Variants in ANKHD1 observed in about 807,000 individuals in gnomAD.
ANKHD1 encodes ankyrin repeat and KH domain-containing protein 1.
In ANKHD1, 31 loss-of-function variants were observed where a neutral mutation model predicts 230.5. The ratio of observed to expected loss-of-function variants is 0.13; its 90% CI spans 0.10 to 0.18. The LOEUF (loss-of-function observed/expected upper bound fraction) is 0.18. Among genes scored for constraint, ANKHD1 ranks in the 10% least tolerant of loss-of-function variants. The pLI is 1.00. For missense variants in ANKHD1, 2,256 were observed against 3,071.3 expected, an observed-to-expected ratio of 0.73 and a Z score of 6.27; for synonymous variants, 1,074 against 1,117.6, an observed-to-expected ratio of 0.96 and a Z score of 0.78.
At position 140,445,965 on chromosome 5, in the gene ANKHD1, T is replaced by C. The variant is rs747687771; in HGVS notation, c.1137T>C (p.Ala379=). The part of the protein sequence containing the change: ...NEFKESALTL[A]CYKGHLDMVR... ...TCAAAGAAAGTGCTCTAACACTTGC[T>C]TGCTACAAAGGTACTTAATACATGT... Residue 379 remains alanine, a synonymous_variant, in exon 6 of 34, where the codon GCT becomes GCC. Transcript: ENST00000360839. 6.9e-6 allele frequency: 11 copies of C among 1,600,464 alleles called. No homozygotes were observed. In the African/African-American group the frequency reaches 1.1e-4, roughly 16 times the overall value.
chr5:140,470,557 T>G (rs1456563932), intron 10 of ANKHD1, among the ~76,000 whole-genome samples: 1 of 151,294 alleles, frequency 6.6e-6, no homozygotes, highest in African/African-American at 2.4e-5. Context: ...TCTTCTGCAT[T>G]GTGTCTTAAG....
rs760761674 is a variant in ANKHD1, at chr5:140,485,299, A to G, written c.1998+51A>G. The G allele has an allele frequency of 7.6e-6, 12 of 1,571,384 alleles. No individual in the cohort carries two copies. The highest frequency in any genetic ancestry group is 2.1e-4 in the Middle Eastern group (1 of 4,828). ...AGGCTGTGTGCGGTGGCTCATGTCT[A>G]TGATCCCAGCACTTTAGAAAGCTGA... On this transcript the variant is annotated intron_variant, in intron 12 of 33. Coordinates refer to ENST00000360839, the MANE Select transcript of ANKHD1 (RefSeq NM_017747.3). The surrounding 1 kb of genome is among the most constrained non-coding windows in gnomAD (Gnocchi z 4.8).
intron 5 of ANKHD1, among the ~76,000 whole-genome samples, chr5:140,444,084 C>T (rs1455232637): frequency 6.9e-6 from 1 of 144,278 alleles, no homozygotes; most frequent in East Asian, 2.1e-4. Flanking sequence ...TGAAGTCCCC[C>T]CCCCCCTTTT....
intron 10 of ANKHD1, among the ~76,000 whole-genome samples, chr5:140,472,815 G>A (rs1776579659): frequency 6.6e-6 from 1 of 152,028 alleles, no homozygotes; most frequent in Admixed American, 6.5e-5. Flanking sequence ...CTACTATTCT[G>A]AAATTGGTTT....
At chr5:140,488,712 C>T (rs564933006) in intron 14 of ANKHD1, among the ~76,000 whole-genome samples, 55 of 151,962 alleles carry the variant, frequency 3.6e-4, no homozygotes, top group Non-Finnish European at 7.8e-4. Flanking sequence ...CGAGCCTGGC[C>T]GACATGGTGA....
At chr5:140,514,538 C>T (rs1752907974) in intron 24 of ANKHD1, among the ~76,000 whole-genome samples, 1 of 152,048 alleles carries the variant, frequency 6.6e-6, no homozygotes, top group Admixed American at 6.6e-5. Context: ...GCCTATATGA[C>T]CAATATTCTT....
intron 7 of ANKHD1, among the ~76,000 whole-genome samples, chr5:140,454,467 G>A (rs1775005045): frequency 1.3e-5 from 2 of 152,138 alleles, no homozygotes; most frequent in South Asian, 4.1e-4. Context: ...TGGAAGTAAA[G>A]CACTCCTCAG....
chr5:140,450,751 G>A (rs1327704795), intron 7 of ANKHD1, among the ~76,000 whole-genome samples: 2 of 151,920 alleles, frequency 1.3e-5, no homozygotes, highest in East Asian at 1.9e-4. Flanking sequence ...TGTTGCCTAG[G>A]CTTTAAGAAA....
chr5:140,446,311 A>G (rs1292851656), intron 6 of ANKHD1, among the ~76,000 whole-genome samples: 1 of 152,204 alleles, frequency 6.6e-6, no homozygotes, highest in Admixed American at 6.5e-5. Flanking sequence ...TGCCAAAGTA[A>G]TAATACACAC....
At chr5:140,511,014 C>T (rs184218375) in intron 22 of ANKHD1, among the ~76,000 whole-genome samples, 161 of 151,980 alleles carry the variant, frequency 1.1e-3, no homozygotes, top group African/African-American at 3.7e-3. Flanking sequence ...TTTGTAGAGA[C>T]GAGGTCTTGC....
intron 15 of ANKHD1, 98 bp from the exon 16 acceptor site, chr5:140,504,723 A>C: frequency 6.8e-7 from 1 of 1,473,368 alleles, no homozygotes; most frequent in Non-Finnish European, 9.1e-7. Flanking sequence ...CTATTACTAC[A>C]TATTACTGCT....
intron 10 of ANKHD1, among the ~76,000 whole-genome samples, chr5:140,469,339 CAA>C (rs1034952876): frequency 3.2e-4 from 28 of 87,570 alleles, no homozygotes; most frequent in Admixed American, 2.5e-4. Flanking sequence ...CTGTCTCTAC[CAA>C]AAAAAAAAAA....
chr5:140,525,627 T>C (rs1753568230), intron 25 of ANKHD1, among the ~76,000 whole-genome samples: 1 of 152,056 alleles, frequency 6.6e-6, no homozygotes, highest in Non-Finnish European at 1.5e-5. Context: ...TCCCGCACTT[T>C]GGGAGGCCGA....
rs536190655 is a variant in ANKHD1 at position 140,452,419 on chromosome 5, CT to C, written c.1242+3115del. ...TGAGATCTGAGAATGGACAGACTGC[CT>C]CCTCATGTGGGTCCCTGACCCCTGA... is the stretch of plus-strand genomic sequence containing the variant. On this transcript the variant is annotated intron_variant, in intron 7 of 33. Transcript: ENST00000360839. Among the ~76,000 whole-genome samples the C allele has an allele frequency of 1.4e-4, 21 of 152,300 alleles. No homozygotes were observed. In the South Asian group the frequency reaches 4.4e-3, roughly 32 times the overall value.
rs1323248349 is a variant in ANKHD1, at chr5:140,464,746, A to T, written c.1752A>T (p.Ala584=). 3.7e-6 allele frequency: 6 copies of T among 1,608,170 alleles called. No individual in the cohort carries two copies. Among genetic ancestry groups the T allele is most frequent in the Non-Finnish European group, 4.3e-6 (5 of 1,175,724 alleles). The part of the protein sequence containing the change: ...YACENGHTDV[A]DVLLQAGADL... ...GTGAAAATGGACATACGGATGTTGC[A>T]GATGTTTTACTTCAAGCAGGGGCTG... is the stretch of plus-strand genomic sequence containing the variant. Residue 584 remains alanine (A), a synonymous_variant, in exon 10 of 34, where the codon GCA becomes GCT. Transcript: ENST00000360839.
intron 1 of ANKHD1, among the ~76,000 whole-genome samples, chr5:140,410,642 T>A (rs1251806782): frequency 6.6e-6 from 1 of 152,178 alleles, no homozygotes; most frequent in African/African-American, 2.4e-5. Flanking sequence ...ACTGTTTCAA[T>A]GTATCTGTCT....
At chr5:140,427,365 C>CG (rs1475065847) in intron 1 of ANKHD1, among the ~76,000 whole-genome samples, 2 of 102,062 alleles carry the variant, frequency 2.0e-5, no homozygotes. Flanking sequence ...GCTGGCCAGG[C>CG]GGGGGGCTGA....
At position 140,505,802 on chromosome 5, in the gene ANKHD1, T is replaced by C. The variant is rs1237725555; in HGVS notation, c.3341T>C (p.Ile1114Thr). The C allele has an allele frequency of 1.7e-5, 28 of 1,612,922 alleles. No individual in the cohort carries two copies. Among genetic ancestry groups the C allele is most frequent in the East Asian group, 2.2e-5 (1 of 44,720 alleles). ...VEILLDKGGD[I>T]EAQSERTKDT... is the part of the protein sequence containing the mutation. ...ATCCTTTTGGATAAAGGTGGAGATA[T>C]AGAAGCACAGTCTGAACGAACTAAG... Residue 1114 changes from isoleucine (I) to threonine (T), a missense_variant, in exon 18 of 34, where the codon ATA (isoleucine) becomes ACA (threonine). Ile to Thr is a moderately conservative substitution (Grantham distance 89). Around this residue, in one of 13 missense-constraint regions of ANKHD1, gnomAD observed 63 missense variants for 125.5 expected, o/e 0.50. Transcript: ENST00000360839.
chr5:140,426,185 GGT>G (rs1433922759), intron 1 of ANKHD1, among the ~76,000 whole-genome samples: 1 of 152,116 alleles, frequency 6.6e-6, no homozygotes, highest in Admixed American at 6.5e-5. Context: ...GCTGGAGTAC[GGT>G]GGCATGATCT....
Sources: allele counts gnomAD v4.1 joint callset (sites outside exome capture counted in the v4.1 genomes callset), GRCh38; gene constraint gnomAD v4.1.1; regional missense constraint gnomAD v4.1.1; non-coding constraint Gnocchi (gnomAD v3.1); transcripts MANE v1.5; gene names NCBI Gene and HGNC (gene_info 2026-07-23, HGNC 2026-07-21).